Variants in SLCO3A1 observed in about 807,000 individuals in gnomAD.
SLCO3A1 encodes the protein solute carrier organic anion transporter family member 3A1.
A neutral mutation model predicts 63.1 loss-of-function variants in SLCO3A1; 27 were observed. The observed-to-expected ratio is 0.43, with a 90% CI of 0.32 to 0.59. The LOEUF is 0.59. SLCO3A1 is among the 20% of genes least tolerant of loss of function. The probability of loss-of-function intolerance (pLI) is 0.09; values close to 1 mark genes in which losing one functional copy is unlikely to be tolerated. For synonymous variants in SLCO3A1, 473 were observed against 409.9 expected (o/e 1.15, Z -1.86); for missense variants, 773 against 945.8 (o/e 0.82, Z 2.40).
chr15:91,853,735 A>T lies in SLCO3A1; in HGVS notation c.-174A>T, dbSNP rs1421350038. The T allele has an allele frequency of 1.1e-4, 42 of 370,658 alleles. No individual in the cohort carries two copies. Among genetic ancestry groups the T allele is most frequent in the Non-Finnish European group, 1.5e-4 (40 of 267,398 alleles). The allele number at this position is 370,658 out of a possible 1,614,324, so 23.0% of individuals were successfully genotyped here. ...GATCGCGGCGGCGGCGGCGGCGGCG[A>T]GGAGCTGTGCCTTCCACCTCTCCAG... is the stretch of plus-strand genomic sequence containing the variant. On this transcript the variant is annotated 5_prime_UTR_variant, in exon 1 of 10. Transcript: ENST00000318445.
chr15:91,983,489 A>G (rs931438122), intron 2 of SLCO3A1, among the ~76,000 whole-genome samples: 1 of 152,190 alleles, frequency 6.6e-6, no homozygotes, highest in Admixed American at 6.5e-5. Flanking sequence ...TTTCACTTCA[A>G]TTCCAACTTA....
chr15:92,080,938 C>CTGTGTGTATG lies in SLCO3A1; in HGVS notation c.647-13936_647-13935insATGTGTGTGT, dbSNP rs779165504. 1.5e-3 allele frequency among the ~76,000 whole-genome samples: 192 copies of CTGTGTGTATG among 128,974 alleles called. 3 individuals are homozygous for CTGTGTGTATG. Among genetic ancestry groups the CTGTGTGTATG allele is most frequent in the African/African-American group, 5.5e-3 (179 of 32,296 alleles). The allele number at this position is 128,974 out of a possible 152,430, so 84.6% of individuals were successfully genotyped here. ...TTTCATTTTTATGGATACATAGTAG[C>CTGTGTGTATG]TGTGTGTGTGTGTGTGTGTGTGTGT... On this transcript the variant is annotated intron_variant, in intron 2 of 9. Coordinates refer to ENST00000318445, the MANE Select transcript of SLCO3A1 (RefSeq NM_013272.4).
At chr15:91,943,723 G>A (rs542270435) in intron 2 of SLCO3A1, among the ~76,000 whole-genome samples, 81 of 152,276 alleles carry the variant, frequency 5.3e-4, no homozygotes, top group Non-Finnish European at 1.0e-3. Flanking sequence ...AGGTGACTAG[G>A]AGGCTCCAGG....
chr15:92,006,772 G>A (rs2046317729), intron 2 of SLCO3A1, among the ~76,000 whole-genome samples: 1 of 152,228 alleles, frequency 6.6e-6, no homozygotes, highest in Non-Finnish European at 1.5e-5. Flanking sequence ...TGTGTCTAGT[G>A]CAGAGAGAAT....
chr15:91,934,247 T>G (rs1899329971), intron 2 of SLCO3A1, among the ~76,000 whole-genome samples: 1 of 152,120 alleles, frequency 6.6e-6, no homozygotes, highest in Non-Finnish European at 1.5e-5. Context: ...ATTGGGGAAG[T>G]ACACTACTTT....
chr15:92,038,660 GA>G (rs1335209948), intron 2 of SLCO3A1, among the ~76,000 whole-genome samples: 3 of 152,106 alleles, frequency 2.0e-5, no homozygotes, highest in African/African-American at 7.2e-5. Context: ...TCAATATTGT[GA>G]AAATGGCCAT....
intron 2 of SLCO3A1, among the ~76,000 whole-genome samples, chr15:91,928,471 G>C (rs1049463273): frequency 6.6e-5 from 10 of 152,080 alleles, no homozygotes; most frequent in African/African-American, 2.4e-4. Context: ...TATCCCAAGG[G>C]CCTTATCTTT....
chr15:92,146,152 T>G (rs1273227951), intron 7 of SLCO3A1, among the ~76,000 whole-genome samples: 1 of 152,178 alleles, frequency 6.6e-6, no homozygotes, highest in Non-Finnish European at 1.5e-5. Flanking sequence ...CTCTGCACTA[T>G]TATTATGGAA....
chr15:92,017,789 A>C (rs866123092), intron 2 of SLCO3A1, among the ~76,000 whole-genome samples: 2 of 152,160 alleles, frequency 1.3e-5, no homozygotes, highest in African/African-American at 2.4e-5. Context: ...GGATGCTCAG[A>C]CAGCCAGGGA....
chr15:92,075,432 C>A (rs528503576), intron 2 of SLCO3A1, among the ~76,000 whole-genome samples: 1 of 152,258 alleles, frequency 6.6e-6, no homozygotes, highest in East Asian at 1.9e-4. Flanking sequence ...GGGGGCTGCC[C>A]CTTTGTAACC....
chr15:91,901,251 T>C (rs2151367883), intron 1 of SLCO3A1, among the ~76,000 whole-genome samples: 1 of 152,348 alleles, frequency 6.6e-6, no homozygotes, highest in Admixed American at 6.5e-5. Flanking sequence ...GAAACTTTCC[T>C]CCAGTATAGC....
chr15:91,858,565 A>G (rs1896978801), intron 1 of SLCO3A1, among the ~76,000 whole-genome samples: 2 of 152,208 alleles, frequency 1.3e-5, no homozygotes, highest in African/African-American at 4.8e-5. Flanking sequence ...TCTATCCTGC[A>G]TTTTGTTAAC....
chr15:91,921,219 A>G (rs1373400965), intron 2 of SLCO3A1, among the ~76,000 whole-genome samples: 2 of 152,168 alleles, frequency 1.3e-5, no homozygotes, highest in Non-Finnish European at 2.9e-5. Context: ...CCCTCTGCAT[A>G]CACATCCCTG....
chr15:92,166,316 C>T (rs1348542603), downstream of SLCO3A1, among the ~76,000 whole-genome samples: 1 of 152,142 alleles, frequency 6.6e-6, no homozygotes, highest in African/African-American at 2.4e-5. Context: ...GCTAGGAACA[C>T]TTAACAGGCA....
chr15:91,977,071 G>A (rs185264878), intron 2 of SLCO3A1, among the ~76,000 whole-genome samples: 1 of 152,254 alleles, frequency 6.6e-6, no homozygotes, highest in East Asian at 1.9e-4. Flanking sequence ...CTAGATAGGG[G>A]TGATAGTTGT....
chr15:92,059,175 A>T (rs1398801593), intron 2 of SLCO3A1, among the ~76,000 whole-genome samples: 1 of 152,148 alleles, frequency 6.6e-6, no homozygotes, highest in Non-Finnish European at 1.5e-5. Context: ...TCTCTTACCA[A>T]GTAGATCAAC....
At position 91,950,997 on chromosome 15, in the gene SLCO3A1, C is replaced by T. The variant is rs1899979003; in HGVS notation, c.646+34539C>T. 6.6e-6 allele frequency among the ~76,000 whole-genome samples: 1 copy of T among 152,088 alleles called. No homozygotes were observed. The highest frequency in any genetic ancestry group is 1.5e-5 in the Non-Finnish European group (1 of 68,026). ...GTGTATTCTCTTAGTAAAGTCAGTT[C>T]CCACAGTTCCCTGGGGGTGATGTGG... is the stretch of plus-strand genomic sequence containing the variant. On this transcript the variant is annotated intron_variant, in intron 2 of 9. Coordinates refer to ENST00000318445, the MANE Select transcript of SLCO3A1 (RefSeq NM_013272.4). The surrounding 1 kb of genome is among the most constrained non-coding windows in gnomAD (Gnocchi z 4.4).
chr15:91,962,443 C>A (rs1018102163), intron 2 of SLCO3A1, among the ~76,000 whole-genome samples: 2 of 139,022 alleles, frequency 1.4e-5, no homozygotes, highest in African/African-American at 2.7e-5. Flanking sequence ...CGCGCCATTG[C>A]ACTCCAGCCT....
chr15:91,898,003 G>C (rs1291381107), intron 1 of SLCO3A1, among the ~76,000 whole-genome samples: 1 of 152,198 alleles, frequency 6.6e-6, no homozygotes, highest in African/African-American at 2.4e-5. Flanking sequence ...TGTTTCTGTT[G>C]TTCTTGGCTT....
Sources: gnomAD v4.1 joint callset for allele counts (sites outside exome capture counted in the v4.1 genomes callset) on GRCh38, gnomAD v4.1.1 for gene constraint, Gnocchi (gnomAD v3.1) non-coding constraint, MANE v1.5 for transcripts, NCBI Gene and HGNC (gene_info 2026-07-23, HGNC 2026-07-21) for gene names.